RPTOR: variants seen among roughly 807,000 people sequenced by gnomAD.
The protein encoded by RPTOR is regulatory associated protein of MTOR complex 1, also known as regulatory-associated protein of mTOR.
Under a neutral mutation model 169.9 loss-of-function variants are expected in RPTOR, and 21 were observed. That is an observed-to-expected ratio of 0.12 (90% CI 0.09 to 0.18). RPTOR has a LOEUF of 0.18. Among genes scored for constraint, RPTOR ranks in the 10% least tolerant of loss-of-function variants. The pLI, the probability that RPTOR is intolerant of heterozygous loss-of-function variation, is 1.00. For synonymous variants in RPTOR, 732 were observed against 753.2 expected, an observed-to-expected ratio of 0.97 and a Z score of 0.46; for missense variants, 1,133 against 1,855.9, an observed-to-expected ratio of 0.61 and a Z score of 7.16.
intron 1 of RPTOR, among the ~76,000 whole-genome samples, chr17:80,623,626 C>G (rs1244379293): frequency 2.0e-5 from 3 of 152,026 alleles, no homozygotes; most frequent in Admixed American, 6.6e-5. Flanking sequence ...AACTCTGCCT[C>G]CCAGGTTCAA....
chr17:80,664,308 ATTTTTTT>A, intron 3 of RPTOR, among the ~76,000 whole-genome samples: 1 of 152,158 alleles, frequency 6.6e-6, no homozygotes, highest in East Asian at 1.9e-4. Flanking sequence ...AGCTGTGTTT[ATTTTTTT>A]CCCTAAGTAA....
Position 80,959,403 on chromosome 17 carries a change from TC to T in RPTOR, c.3478-672del, listed in dbSNP as rs1297595078. The stretch of plus-strand genomic sequence containing the variant: ...TGGAGGCACAGAGCGCAGCAGGTGC[TC>T]CCAGAGCCGGCTCTGCCCCTCGCAG... On this transcript the variant is annotated intron_variant, in intron 29 of 33. Transcript: ENST00000306801. The surrounding 1 kb of genome is among the most constrained non-coding windows in gnomAD (Gnocchi z 6.7). Among the ~76,000 whole-genome samples, 2 of 152,092 alleles carry T rather than the reference TC, an allele frequency of 1.3e-5. No individual in the cohort carries two copies. The highest frequency in any genetic ancestry group is 6.5e-5 in the Admixed American group (1 of 15,282).
intron 2 of RPTOR, among the ~76,000 whole-genome samples, chr17:80,629,204 TC>T (rs1289428375): frequency 1.3e-5 from 2 of 151,752 alleles, no homozygotes; most frequent in Non-Finnish European, 1.5e-5. Flanking sequence ...TATTGCGCTG[TC>T]GGACATAGTA....
At chr17:80,685,833 C>A (rs953625245) in intron 3 of RPTOR, among the ~76,000 whole-genome samples, 11 of 151,090 alleles carry the variant, frequency 7.3e-5, no homozygotes, top group Non-Finnish European at 1.2e-4. Context: ...GTAAGATGGA[C>A]CCCCAGAGTC....
At chr17:80,765,715 TG>T (rs2066779896) in intron 6 of RPTOR, among the ~76,000 whole-genome samples, 1 of 152,210 alleles carries the variant, frequency 6.6e-6, no homozygotes, top group African/African-American at 2.4e-5. Context: ...ATTTCCTTCC[TG>T]GGGCTCTCCG....
chr17:80,565,570 A>C (rs1288198027), intron 1 of RPTOR, among the ~76,000 whole-genome samples: 2 of 149,554 alleles, frequency 1.3e-5, no homozygotes, highest in Admixed American at 1.3e-4. Flanking sequence ...CAGGGCTGGG[A>C]GGCGGAGGGA....
chr17:80,931,540 C>T (rs1209323611), intron 24 of RPTOR, among the ~76,000 whole-genome samples: 2 of 152,182 alleles, frequency 1.3e-5, no homozygotes, highest in African/African-American at 2.4e-5. Context: ...GGTGTGGGCC[C>T]GCAGCAGGCT....
chr17:80,837,888 A>C, intron 9 of RPTOR, 34 bp from the exon 10 acceptor site: 2 of 1,593,380 alleles, frequency 1.3e-6, no homozygotes, highest in Non-Finnish European at 1.7e-6. Flanking sequence ...GCCCGTCCAT[A>C]ATGCTCAGTG....
At chr17:80,946,646 G>A (rs987925931) in intron 26 of RPTOR, among the ~76,000 whole-genome samples, 3 of 152,234 alleles carry the variant, frequency 2.0e-5, no homozygotes, top group Non-Finnish European at 4.4e-5. Context: ...GCTACAGCAC[G>A]TCAGAATTTC....
At chr17:80,961,580 G>C in intron 31 of RPTOR, 100 bp downstream of exon 31, 1 of 1,282,474 alleles carries the variant, frequency 7.8e-7, no homozygotes, top group East Asian at 2.6e-5. Flanking sequence ...GGAAGGGGAT[G>C]GCATTTCGGG....
intron 3 of RPTOR, among the ~76,000 whole-genome samples, chr17:80,693,080 G>T (rs540282594): frequency 6.6e-6 from 1 of 152,328 alleles, no homozygotes; most frequent in South Asian, 2.1e-4. Flanking sequence ...TATTAGACTG[G>T]AATCCACGTG....
At chr17:80,587,889 C>T (rs1237270775) in intron 1 of RPTOR, among the ~76,000 whole-genome samples, 1 of 151,944 alleles carries the variant, frequency 6.6e-6, no homozygotes, top group East Asian at 1.9e-4. Context: ...ACTCTCTGTC[C>T]AACTGAAGGC....
intron 1 of RPTOR, among the ~76,000 whole-genome samples, chr17:80,584,431 C>G (rs183468364): frequency 6.6e-6 from 1 of 152,102 alleles, no homozygotes; most frequent in African/African-American, 2.4e-5. Flanking sequence ...TGGAATTCTT[C>G]TGGGAAAAAG....
At chr17:80,569,424 C>T (rs887024757) in intron 1 of RPTOR, among the ~76,000 whole-genome samples, 1 of 152,132 alleles carries the variant, frequency 6.6e-6, no homozygotes, top group Non-Finnish European at 1.5e-5. Context: ...CTTTGGGAGG[C>T]TGAGGCAGGA....
At chr17:80,753,430 C>T (rs2066648459) in intron 5 of RPTOR, among the ~76,000 whole-genome samples, 2 of 151,944 alleles carry the variant, frequency 1.3e-5, no homozygotes, top group Admixed American at 6.6e-5. Flanking sequence ...GTCAGGAGAT[C>T]GAGACCATCC....
At chr17:80,660,735 C>T (rs980094989) in intron 3 of RPTOR, among the ~76,000 whole-genome samples, 56 of 152,302 alleles carry the variant, frequency 3.7e-4, no homozygotes, top group African/African-American at 1.3e-3. Flanking sequence ...CCCTGCTGGC[C>T]GCACTCAATG....
At chr17:80,668,657 G>C (rs2065799048) in intron 3 of RPTOR, among the ~76,000 whole-genome samples, 1 of 152,148 alleles carries the variant, frequency 6.6e-6, no homozygotes, top group Admixed American at 6.5e-5. Flanking sequence ...AGCTCTTTAG[G>C]TCACTTGCGT....
In RPTOR at chr17:80,659,794, G is replaced by A. The variant is rs973476510; in HGVS notation, c.348+15984G>A. On this transcript the variant is annotated intron_variant, in intron 3 of 33. Transcript: ENST00000306801. This position sits in a 1 kb window ranked among gnomAD's most constrained non-coding sequence, Gnocchi z 4.3. Reference sequence around the variant, plus strand: ...CTGAGATACAGGCGTGAGCCACTGCGCCCGGACCATCTGGCTAATTTAAAA... The same window carrying A: ...CTGAGATACAGGCGTGAGCCACTGCACCCGGACCATCTGGCTAATTTAAAA... Among the ~76,000 whole-genome samples the A allele has an allele frequency of 2.0e-5, 3 of 152,080 alleles. No individual in the cohort carries two copies. The highest frequency in any genetic ancestry group is 2.1e-4 in the South Asian group (1 of 4,818).
At position 80,733,815 on chromosome 17, in the gene RPTOR, C is replaced by T. The variant is rs545091509; in HGVS notation, c.654+3109C>T. 4.6e-5 allele frequency among the ~76,000 whole-genome samples: 7 copies of T among 152,348 alleles called. No homozygotes were observed. The East Asian group carries it at 1.3e-3, about 29-fold the overall frequency. ...ACGCCTTCTTGCGTTCCCTCTTATT[C>T]ACTCTATTGGGTTTCTTTATACTTT... is the stretch of plus-strand genomic sequence containing the variant. On this transcript the variant is annotated intron_variant, in intron 5 of 33. Coordinates refer to ENST00000306801, the MANE Select transcript of RPTOR (RefSeq NM_020761.3).
Sources: gnomAD v4.1 joint callset for allele counts (sites outside exome capture counted in the v4.1 genomes callset) on GRCh38, gnomAD v4.1.1 for gene constraint, Gnocchi (gnomAD v3.1) non-coding constraint, MANE v1.5 for transcripts, NCBI Gene and HGNC (gene_info 2026-07-23, HGNC 2026-07-21) for gene names.